PSMA2: variants seen among roughly 807,000 people sequenced by gnomAD.
The protein encoded by PSMA2 is proteasome subunit alpha type-2.
In PSMA2, 2 loss-of-function variants were observed where a neutral mutation model predicts 35.9. The observed-to-expected ratio is 0.06, with a 90% CI of 0.02 to 0.18. The LOEUF is 0.18. Ranked by LOEUF, PSMA2 falls within the 10% of genes least tolerant of loss-of-function variation. The pLI, the probability that PSMA2 is intolerant of heterozygous loss-of-function variation, is 1.00. For missense variants in PSMA2, 126 were observed against 278.8 expected, an observed-to-expected ratio of 0.45 and a Z score of 3.90; for synonymous variants, 97 against 98.2, an observed-to-expected ratio of 0.99 and a Z score of 0.07.
chr7:42,931,096 C>T, intron 1 of PSMA2: 1 of 419,562 alleles, frequency 2.4e-6, no homozygotes, highest in Non-Finnish European at 4.7e-6. Context: ...AGCTACTCAC[C>T]GATGACCTTA....
chr7:42,923,267 G>C (rs1357203994), intron 5 of PSMA2, 58 bp downstream of exon 5: 1 of 1,280,576 alleles, frequency 7.8e-7, no homozygotes, highest in Non-Finnish European at 1.1e-6. Context: ...TTCTATTTCT[G>C]TTAGATATTC....
At chr7:42,931,475 C>T (rs1043771686) in intron 1 of PSMA2, among the ~76,000 whole-genome samples, 4 of 151,986 alleles carry the variant, frequency 2.6e-5, no homozygotes, top group African/African-American at 9.7e-5. Flanking sequence ...AGTAAACATC[C>T]CCCTCCCCGA....
chr7:42,926,427 A>G (rs895117492), intron 3 of PSMA2, 109 bp downstream of exon 3: 2 of 1,319,748 alleles, frequency 1.5e-6, no homozygotes, highest in Non-Finnish European at 2.0e-6. Context: ...GCACACAAAA[A>G]AAGAGGAACT....
intron 1 of PSMA2, chr7:42,931,247 C>T: frequency 2.5e-6 from 1 of 398,532 alleles, no homozygotes; most frequent in Non-Finnish European, 5.0e-6. Context: ...TAGATCCCGC[C>T]TGCCTTCAGT....
chr7:42,921,979 C>A (rs748067692), intron 5 of PSMA2, 48 bp from the exon 6 acceptor site: 120 of 1,393,304 alleles, frequency 8.6e-5, no homozygotes, highest in Non-Finnish European at 1.2e-4. Flanking sequence ...AACACAAATA[C>A]AATTATATTG....
chr7:42,929,935 C>A (rs983708791), intron 1 of PSMA2, among the ~76,000 whole-genome samples: 2 of 152,166 alleles, frequency 1.3e-5, no homozygotes, highest in East Asian at 1.9e-4. Context: ...TCAAAAATCA[C>A]CCCCAAGCAC....
At chr7:42,926,383 T>G (rs1028688088) in intron 3 of PSMA2, among the ~76,000 whole-genome samples, 153 bp downstream of exon 3, 2 of 152,144 alleles carry the variant, frequency 1.3e-5, no homozygotes, top group Non-Finnish European at 2.9e-5. Context: ...CAAACTAAAT[T>G]CAGCTCTCAA....
chr7:42,922,792 A>G (rs1001909816), intron 5 of PSMA2, among the ~76,000 whole-genome samples: 5 of 152,208 alleles, frequency 3.3e-5, no homozygotes, highest in Non-Finnish European at 5.9e-5. Flanking sequence ...TTCTCATAGC[A>G]AATGGGACAG....
intron 3 of PSMA2, among the ~76,000 whole-genome samples, chr7:42,925,583 C>CA (rs1786199458): frequency 6.6e-6 from 1 of 152,162 alleles, no homozygotes; most frequent in Non-Finnish European, 1.5e-5. Context: ...ATGACCCTGT[C>CA]TCTTAAAATT....
intron 4 of PSMA2, 49 bp from the exon 5 acceptor site, chr7:42,923,455 T>A (rs1377175740): frequency 6.9e-7 from 1 of 1,441,730 alleles, no homozygotes; most frequent in Non-Finnish European, 9.7e-7. Context: ...GGTGTTAAAG[T>A]CATCCTCAAG....
chr7:42,923,322 T>C lies in PSMA2; in HGVS notation c.456+3A>G, dbSNP rs1449547714. 1.3e-6 allele frequency: 2 copies of C among 1,591,018 alleles called. No individual in the cohort carries two copies. Among genetic ancestry groups the C allele is most frequent in the Non-Finnish European group, 1.7e-6 (2 of 1,159,270 alleles). On this transcript the variant is annotated splice_donor_region_variant and intron_variant, in intron 5 of 7. Coordinates refer to ENST00000223321, the MANE Select transcript of PSMA2 (RefSeq NM_002787.5). ...TCCCTCAAATACATTAAATGATACT[T>C]ACAGATGGATCTGACTGAAATAAAT...
intron 1 of PSMA2, chr7:42,931,241 T>C: frequency 2.4e-6 from 1 of 412,978 alleles, no homozygotes; most frequent in Non-Finnish European, 4.8e-6. Context: ...ACAAGTTAGA[T>C]CCCGCCTGCC....
At chr7:42,931,751 G>C (rs1786316665) in intron 1 of PSMA2, among the ~76,000 whole-genome samples, 1 of 152,034 alleles carries the variant, frequency 6.6e-6, no homozygotes, top group Non-Finnish European at 1.5e-5. Context: ...CACCGCATCA[G>C]GTCTACTTGA....
Position 42,932,101 on chromosome 7 carries a change from G to C in PSMA2, c.41+17C>G. ...CAACCTCGACTACGCTGAAGACCTC[G>C]AGGGCCCCTTCCATACCTGAATGTA... On this transcript the variant is annotated intron_variant, in intron 1 of 7. Transcript: ENST00000223321. 6.2e-7 allele frequency: 1 copy of C among 1,614,070 alleles called. No individual in the cohort carries two copies. The highest frequency in any genetic ancestry group is 8.5e-7 in the Non-Finnish European group (1 of 1,180,016).
chr7:42,924,935 T>C lies in PSMA2; in HGVS notation c.252-138A>G, dbSNP rs878907887. The C allele has an allele frequency of 5.6e-6, 4 of 715,020 alleles. No homozygotes were observed. The South Asian group carries it at 6.9e-5, about 12-fold the overall frequency. The allele number at this position is 715,020 out of a possible 1,614,324, so 44.3% of individuals were successfully genotyped here. ...ATGGTGGCTATTGGATCAAAGCTAG[T>C]CTTACTCTAACACTGGATTCCAGTT... On this transcript the variant is annotated intron_variant, in intron 3 of 7. Coordinates refer to ENST00000223321, the MANE Select transcript of PSMA2 (RefSeq NM_002787.5).
Position 42,932,057 on chromosome 7 carries a change from T to C in PSMA2, c.41+61A>G, listed in dbSNP as rs1786323143. ...ATGCCGACGTCAGGATGGGAAAAAC[T>C]AAATCGACAGAGTACCAGCAACCTC... On this transcript the variant is annotated intron_variant, in intron 1 of 7. Coordinates refer to ENST00000223321, the MANE Select transcript of PSMA2 (RefSeq NM_002787.5). 7.5e-6 allele frequency: 12 copies of C among 1,606,126 alleles called. No homozygotes were observed. The South Asian group carries it at 1.1e-4, about 15-fold the overall frequency.
In PSMA2 at chr7:42,919,513, A is replaced by T. The variant is rs1282658910; in HGVS notation, c.531-1678T>A. Reference sequence around the variant, plus strand: ...GCCCTATGGTACAGTGAGGATAAACAGATTCTTTCTTCTGATGACAAAACT... The same window carrying T: ...GCCCTATGGTACAGTGAGGATAAACTGATTCTTTCTTCTGATGACAAAACT... On this transcript the variant is annotated intron_variant, in intron 6 of 7. Coordinates refer to ENST00000223321, the MANE Select transcript of PSMA2 (RefSeq NM_002787.5). 12 of 512,650 alleles carry T rather than the reference A, an allele frequency of 2.3e-5. No homozygotes were observed. The East Asian group carries it at 5.8e-4, about 25-fold the overall frequency. The allele number at this position is 512,650 out of a possible 1,614,324, so 31.8% of individuals were successfully genotyped here.
chr7:42,918,231 C>T (rs1254075465), intron 6 of PSMA2: 1 of 155,178 alleles, frequency 6.4e-6, no homozygotes, highest in African/African-American at 2.4e-5. Context: ...AGATGGGTTT[C>T]ACTGTGTCAG....
intron 6 of PSMA2, chr7:42,919,007 A>C: frequency 4.1e-6 from 1 of 245,516 alleles, no homozygotes; most frequent in Non-Finnish European, 8.1e-6. Flanking sequence ...TATTTTTAGT[A>C]GAGACGGGGT....
Sources: allele counts gnomAD v4.1 joint callset (sites outside exome capture counted in the v4.1 genomes callset), GRCh38; gene constraint gnomAD v4.1.1; transcripts MANE v1.5; gene names NCBI Gene and HGNC (gene_info 2026-07-23, HGNC 2026-07-21).